Variants in CAMK4 observed in about 807,000 individuals in gnomAD.
CAMK4 encodes calcium/calmodulin-dependent protein kinase type IV.
In CAMK4, 22 loss-of-function variants were observed where a neutral mutation model predicts 44.9. The observed-to-expected ratio is 0.49, with a 90% CI of 0.35 to 0.70. The LOEUF (loss-of-function observed/expected upper bound fraction) is 0.70, where lower values mean the gene tolerates loss of function less well. Ranked by LOEUF, CAMK4 falls within the 30% of genes least tolerant of loss-of-function variation. The pLI, the probability that CAMK4 is intolerant of heterozygous loss-of-function variation, is 0.01. For synonymous variants in CAMK4, 218 were observed against 215.4 expected, an observed-to-expected ratio of 1.01 and a Z score of -0.11; for missense variants, 498 against 586.8, an observed-to-expected ratio of 0.85 and a Z score of 1.56.
At chr5:111,319,062 T>C (rs998816752) in intron 1 of CAMK4, among the ~76,000 whole-genome samples, 1 of 152,166 alleles carries the variant, frequency 6.6e-6, no homozygotes, top group African/African-American at 2.4e-5. Context: ...CAAGCCAGTA[T>C]TGCAGGTCTA....
At chr5:111,249,078 G>T (rs572768795) in intron 1 of CAMK4, among the ~76,000 whole-genome samples, 1 of 152,168 alleles carries the variant, frequency 6.6e-6, no homozygotes, top group African/African-American at 2.4e-5. Context: ...AATCTGAAGC[G>T]ATTATTGTTT....
chr5:111,331,927 C>T (rs1749183467), intron 1 of CAMK4, among the ~76,000 whole-genome samples: 1 of 151,594 alleles, frequency 6.6e-6, no homozygotes, highest in Non-Finnish European at 1.5e-5. Context: ...GGGCCAGAAC[C>T]ATCCTTATAT....
intron 7 of CAMK4, among the ~76,000 whole-genome samples, chr5:111,460,460 C>T (rs1012800540): frequency 1.3e-5 from 2 of 151,602 alleles, no homozygotes; most frequent in South Asian, 2.1e-4. Context: ...TTAGTAGAGA[C>T]GGGGTTTCAC....
At chr5:111,316,184 T>C (rs186050836) in intron 1 of CAMK4, among the ~76,000 whole-genome samples, 4 of 152,302 alleles carry the variant, frequency 2.6e-5, no homozygotes, top group African/African-American at 7.2e-5. Context: ...CTAATCCTTT[T>C]TCTCCAGCCT....
In CAMK4 at chr5:111,487,865, T is replaced by C. The variant is rs1755688059; in HGVS notation, c.*3399T>C. The C allele has an allele frequency of 6.6e-6, 1 of 151,872 alleles. No homozygotes were observed. Among genetic ancestry groups the C allele is most frequent in the Non-Finnish European group, 1.5e-5 (1 of 68,032 alleles). 9.4% of individuals were successfully genotyped at this position (151,872 alleles called of 1,614,324 possible). A position where few individuals can be genotyped will look rare whatever the true frequency, so the allele number is the denominator to read the frequency against. On this transcript the variant is annotated 3_prime_UTR_variant, in exon 11 of 11. Transcript: ENST00000282356. The stretch of plus-strand genomic sequence containing the variant: ...CTGGTGGGAGGCCACAAAGAAAGTG[T>C]TTCAGAAATGTTACACACTGAGTAA...
intron 5 of CAMK4, among the ~76,000 whole-genome samples, chr5:111,443,319 A>AC (rs1561491431): frequency 3.7e-3 from 505 of 137,284 alleles, no homozygotes; most frequent in African/African-American, 0.013. Context: ...CACACACTAT[A>AC]TATATATACT....
chr5:111,463,846 C>T (rs1047808944), intron 7 of CAMK4, among the ~76,000 whole-genome samples: 1 of 152,092 alleles, frequency 6.6e-6, no homozygotes, highest in African/African-American at 2.4e-5. Flanking sequence ...AGAATAGCAG[C>T]CTTTTAGCCC....
At chr5:111,257,605 G>A (rs432145) in intron 1 of CAMK4, among the ~76,000 whole-genome samples, 69,847 of 151,940 alleles carry the variant, frequency 0.46, 16,380 homozygotes, top group African/African-American at 0.5. Context: ...TCAAAGACCT[G>A]CAACCAGAAA....
intron 2 of CAMK4, among the ~76,000 whole-genome samples, chr5:111,361,760 A>T (rs748026040): frequency 5.3e-5 from 8 of 152,076 alleles, no homozygotes; most frequent in Admixed American, 6.6e-5. Flanking sequence ...GAAGGCATTT[A>T]TTTAAGTGAA....
Position 111,408,238 on chromosome 5 carries a change from T to C in CAMK4, c.459+13456T>C, listed in dbSNP as rs146101387. Among the ~76,000 whole-genome samples the C allele has an allele frequency of 3.3e-3, 510 of 152,342 alleles. 2 individuals are homozygous for C. Among genetic ancestry groups the C allele is most frequent in the African/African-American group, 0.012 (493 of 41,582 alleles). On this transcript the variant is annotated intron_variant, in intron 5 of 10. Coordinates refer to ENST00000282356, the MANE Select transcript of CAMK4 (RefSeq NM_001744.6). The stretch of plus-strand genomic sequence containing the variant: ...CCTCTAAGGATGGTGTATTAGTCTG[T>C]TCTCATGCTGCTAATAAAGATATAG...
At chr5:111,313,306 C>G (rs894373259) in intron 1 of CAMK4, among the ~76,000 whole-genome samples, 25 of 152,116 alleles carry the variant, frequency 1.6e-4, no homozygotes, top group African/African-American at 5.3e-4. Context: ...TCTCACTGTT[C>G]TTTGTGTGGG....
intron 4 of CAMK4, among the ~76,000 whole-genome samples, chr5:111,391,303 A>C (rs1751788721): frequency 6.6e-6 from 1 of 152,140 alleles, no homozygotes; most frequent in African/African-American, 2.4e-5. Context: ...GAAACTTAAG[A>C]GCCATGAAAC....
rs180918304 is a variant in CAMK4, at chr5:111,311,345, G to A, written c.162-32679G>A. ...TGTCCTTAGAGAAGACTTGCTGAGA[G>A]AGAGTTCTTGTATTAGCATACTATA... is the stretch of plus-strand genomic sequence containing the variant. On this transcript the variant is annotated intron_variant, in intron 1 of 10. Transcript: ENST00000282356. Among the ~76,000 whole-genome samples the A allele has an allele frequency of 5.3e-5, 8 of 152,344 alleles. No homozygotes were observed. The East Asian group carries it at 1.5e-3, about 29-fold the overall frequency.
intron 2 of CAMK4, among the ~76,000 whole-genome samples, chr5:111,367,758 C>T (rs1285820748): frequency 1.3e-5 from 2 of 152,130 alleles, no homozygotes; most frequent in Non-Finnish European, 2.9e-5. Context: ...GGCCAAATTT[C>T]AGCAATGGGA....
Position 111,488,000 on chromosome 5 carries a change from T to G in CAMK4, c.*3534T>G, listed in dbSNP as rs1755692289. 1 of 152,218 alleles carries G rather than the reference T, an allele frequency of 6.6e-6. No homozygotes were observed. Among genetic ancestry groups the G allele is most frequent in the African/African-American group, 2.4e-5 (1 of 41,448 alleles). The allele number at this position is 152,218 out of a possible 1,614,324, so 9.4% of individuals were successfully genotyped here. Reference sequence around the variant, plus strand: ...ATTATCTACTGACCAATCCCTCTGATTCCTGATGGGCCCTGGAGTCTTGAC... The same window carrying G: ...ATTATCTACTGACCAATCCCTCTGAGTCCTGATGGGCCCTGGAGTCTTGAC... On this transcript the variant is annotated 3_prime_UTR_variant, in exon 11 of 11. Transcript: ENST00000282356.
intron 1 of CAMK4, among the ~76,000 whole-genome samples, chr5:111,239,086 G>T (rs575812187): frequency 2.0e-5 from 3 of 152,022 alleles, no homozygotes; most frequent in Admixed American, 1.3e-4. Flanking sequence ...ATAAAACTTG[G>T]CGCATCTTGA....
At chr5:111,264,086 A>AT (rs1750119468) in intron 1 of CAMK4, among the ~76,000 whole-genome samples, 1 of 151,894 alleles carries the variant, frequency 6.6e-6, no homozygotes, top group South Asian at 2.1e-4. Flanking sequence ...TTGCTACCCA[A>AT]TTTTTGAATG....
intron 4 of CAMK4, 55 bp downstream of exon 4, chr5:111,376,997 A>G: frequency 9.3e-7 from 1 of 1,075,760 alleles, no homozygotes; most frequent in African/African-American, 1.6e-5. Context: ...GCCACCAAAA[A>G]ATAATCTAAA....
chr5:111,459,107 T>G (rs977311314), intron 7 of CAMK4, among the ~76,000 whole-genome samples: 6 of 152,180 alleles, frequency 3.9e-5, no homozygotes, highest in African/African-American at 1.4e-4. Flanking sequence ...ATATAGACGG[T>G]ATTTCAAGTC....
Sources: gnomAD v4.1 joint callset for allele counts (sites outside exome capture counted in the v4.1 genomes callset) on GRCh38, gnomAD v4.1.1 for gene constraint, MANE v1.5 for transcripts, NCBI Gene and HGNC (gene_info 2026-07-23, HGNC 2026-07-21) for gene names.